COX20: variants seen among roughly 807,000 people sequenced by gnomAD.
COX20 encodes the protein cytochrome c oxidase assembly factor COX20.
In COX20, 14 loss-of-function variants were observed where a neutral mutation model predicts 14.3. The ratio of observed to expected loss-of-function variants is 0.98; its 90% CI spans 0.65 to 1.53. The LOEUF (loss-of-function observed/expected upper bound fraction) is 1.53. Among genes scored for constraint, COX20 ranks in the 40% most tolerant of loss-of-function variants. The pLI is 0.00. For missense variants in COX20, 149 were observed against 142.1 expected (o/e 1.05, Z -0.25); for synonymous variants, 56 against 51.7 (o/e 1.08, Z -0.36).
In COX20 at chr1:244,835,767, G is replaced by T; in HGVS notation, c.42+11G>T. 1 of 1,255,150 alleles carries T rather than the reference G, an allele frequency of 8.0e-7. No individual in the cohort carries two copies. Among genetic ancestry groups the T allele is most frequent in the East Asian group, 3.1e-5 (1 of 31,920 alleles). The allele number at this position is 1,255,150 out of a possible 1,614,324, so 77.8% of individuals were successfully genotyped here. A position where few individuals can be genotyped will look rare whatever the true frequency, so the allele number is the denominator to read the frequency against. ...CCCGAGGAGAGGAAGGTAACCTGGGGGTCGGCGGGGCGCGCGCCGCGGGTG... is the reference window on the plus strand; with the variant it reads ...CCCGAGGAGAGGAAGGTAACCTGGGTGTCGGCGGGGCGCGCGCCGCGGGTG... On this transcript the variant is annotated intron_variant, in intron 1 of 3. Coordinates refer to ENST00000411948, the MANE Select transcript of COX20 (RefSeq NM_198076.6).
rs923502888 is a variant in COX20, at chr1:244,843,117, T to G, written c.298T>G (p.Leu100Val). The G allele has an allele frequency of 3.7e-6, 6 of 1,600,588 alleles. No homozygotes were observed. The highest frequency in any genetic ancestry group is 1.7e-4 in the Middle Eastern group (1 of 6,040). The part of the protein sequence containing the change: ...IAREEIKKKI[L>V]YEGTHLDPER... ...CAGAGAAGAAATTAAAAAGAAGATA[T>G]TATATGAAGGTACCCACCTCGATCC... The change falls in exon 4 of 4, where the codon TTA (leucine) becomes GTA (valine). Residue 100 changes from leucine to valine, a missense_variant. By Grantham distance (32) the Leu-to-Val change is conservative (BLOSUM62 1). Coordinates refer to ENST00000411948, the MANE Select transcript of COX20 (RefSeq NM_198076.6).
In COX20 at chr1:244,842,061, G is replaced by A. The variant is rs367956888; in HGVS notation, c.157+3G>A. On this transcript the variant is annotated splice_donor_region_variant and intron_variant, in intron 2 of 3. Transcript: ENST00000411948. The stretch of plus-strand genomic sequence containing the variant: ...CTTTGGACATTTTTTGTTCACTAGT[G>A]AGTATCTGTATTTTTTATTTCTCTA... 1 of 1,587,430 alleles carries A rather than the reference G, an allele frequency of 6.3e-7. No homozygotes were observed. Among genetic ancestry groups the A allele is most frequent in the Non-Finnish European group, 8.6e-7 (1 of 1,156,868 alleles).
chr1:244,837,106 TAAAAA>T (rs776082805), intron 1 of COX20, among the ~76,000 whole-genome samples: 3 of 144,742 alleles, frequency 2.1e-5, no homozygotes, highest in Non-Finnish European at 4.6e-5. Context: ...CATTGGAAAT[TAAAAA>T]AAAAAAACTT....
At chr1:244,836,306 C>T (rs997793601) in intron 1 of COX20, among the ~76,000 whole-genome samples, 1 of 152,176 alleles carries the variant, frequency 6.6e-6, no homozygotes, top group Non-Finnish European at 1.5e-5. Flanking sequence ...TGGCCCTTTC[C>T]AGCCTGTAAA....
At chr1:244,839,319 C>T (rs1402869276) in intron 1 of COX20, among the ~76,000 whole-genome samples, 1 of 152,080 alleles carries the variant, frequency 6.6e-6, no homozygotes, top group Non-Finnish European at 1.5e-5. Context: ...TTGATCAGAT[C>T]TATTTCTATA....
chr1:244,840,618 GAAAAA>G (rs1370727881), intron 1 of COX20: 1 of 152,094 alleles, frequency 6.6e-6, no homozygotes, highest in African/African-American at 2.4e-5. Flanking sequence ...CAGACAGAGG[GAAAAA>G]ATGGAATAGA....
At chr1:244,836,397 G>C (rs1199608851) in intron 1 of COX20, 3 of 1,101,552 alleles carry the variant, frequency 2.7e-6, no homozygotes, top group East Asian at 5.1e-5. Context: ...CCAAATTCTT[G>C]GTATAGTAAA....
chr1:244,844,884 G>T lies in COX20; in HGVS notation c.*1708G>T, dbSNP rs1358606960. ...TCTGATATTTAACAAAATATGGACA[G>T]GCCACTTATGCTCAGTTTTACCTTA... On this transcript the variant is annotated 3_prime_UTR_variant, in exon 4 of 4. Transcript: ENST00000411948. 3 of 152,154 alleles carry T rather than the reference G, an allele frequency of 2.0e-5. No individual in the cohort carries two copies. The highest frequency in any genetic ancestry group is 4.4e-5 in the Non-Finnish European group (3 of 68,020). The allele number at this position is 152,154 out of a possible 1,614,324, so 9.4% of individuals were successfully genotyped here. A position where few individuals can be genotyped will look rare whatever the true frequency, so the allele number is the denominator to read the frequency against.
At chr1:244,837,603 T>G (rs1040193474) in intron 1 of COX20, among the ~76,000 whole-genome samples, 10 of 152,108 alleles carry the variant, frequency 6.6e-5, no homozygotes, top group African/African-American at 2.4e-4. Context: ...ATTCACCCAT[T>G]CAAAAAATAT....
upstream of COX20, chr1:244,835,363 G>T: frequency 4.1e-6 from 1 of 246,208 alleles, no homozygotes; most frequent in Non-Finnish European, 7.8e-6. Context: ...GCGGAGCAGG[G>T]GGCTGGCGCG....
chr1:244,844,299 G>A lies in COX20; in HGVS notation c.*1123G>A, dbSNP rs979873790. ...TGTCGCTAGGAAGGATGCAGAGGCT[G>A]TGTGGTTTACCAAATGCCTTAACTT... On this transcript the variant is annotated 3_prime_UTR_variant, in exon 4 of 4. Transcript: ENST00000411948. 3.3e-5 allele frequency: 5 copies of A among 152,214 alleles called. No individual in the cohort carries two copies. The South Asian group carries it at 6.2e-4, about 19-fold the overall frequency. 9.4% of individuals were successfully genotyped at this position (152,214 alleles called of 1,614,324 possible).
At chr1:244,835,617 CGGCGCGTGGG>C, upstream of COX20, 1 of 930,394 alleles carries the variant, frequency 1.1e-6, no homozygotes, top group Non-Finnish European at 1.4e-6. Context: ...CGGGAGGCGG[CGGCGCGTGGG>C]GGCGGGACGG....
chr1:244,840,896 TAACCCATTG>T (rs1217514081), intron 1 of COX20: 2 of 152,314 alleles, frequency 1.3e-5, no homozygotes, highest in South Asian at 2.1e-4. Flanking sequence ...CAAACAATAC[TAACCCATTG>T]AAGATAACTA....
rs912899897 is a variant in COX20 at position 244,844,625 on chromosome 1, G to C, written c.*1449G>C. Reference sequence around the variant, plus strand: ...ATACAAAAATTAGCCGGGCGTGGTGGTGCATGCCTGTAGTCCCAGGTACTC... The same window carrying C: ...ATACAAAAATTAGCCGGGCGTGGTGCTGCATGCCTGTAGTCCCAGGTACTC... On this transcript the variant is annotated 3_prime_UTR_variant, in exon 4 of 4. Transcript: ENST00000411948. 6.6e-6 allele frequency: 1 copy of C among 152,196 alleles called. No individual in the cohort carries two copies. Among genetic ancestry groups the C allele is most frequent in the Non-Finnish European group, 1.5e-5 (1 of 68,080 alleles). The allele number at this position is 152,196 out of a possible 1,614,324, so 9.4% of individuals were successfully genotyped here.
rs1187502082 is a variant in COX20, at chr1:244,835,767, G to C, written c.42+11G>C. On this transcript the variant is annotated intron_variant, in intron 1 of 3. Coordinates refer to ENST00000411948, the MANE Select transcript of COX20 (RefSeq NM_198076.6). ...CCCGAGGAGAGGAAGGTAACCTGGGGGTCGGCGGGGCGCGCGCCGCGGGTG... is the reference window on the plus strand; with the variant it reads ...CCCGAGGAGAGGAAGGTAACCTGGGCGTCGGCGGGGCGCGCGCCGCGGGTG... The C allele has an allele frequency of 3.2e-6, 4 of 1,255,034 alleles. No individual in the cohort carries two copies. Among genetic ancestry groups the C allele is most frequent in the Non-Finnish European group, 4.0e-6 (4 of 998,134 alleles). 77.7% of individuals were successfully genotyped at this position (1,255,034 alleles called of 1,614,324 possible). A position where few individuals can be genotyped will look rare whatever the true frequency, so the allele number is the denominator to read the frequency against.
chr1:244,837,048 T>A (rs1240187240), intron 1 of COX20, among the ~76,000 whole-genome samples: 2 of 151,930 alleles, frequency 1.3e-5, no homozygotes, highest in Non-Finnish European at 2.9e-5. Context: ...ATGGGACTTT[T>A]GGTAGGAGAT....
rs1382806524 is a variant in COX20, at chr1:244,835,725, C to G, written c.11C>G (p.Pro4Arg). 5.5e-6 allele frequency: 7 copies of G among 1,267,488 alleles called. No homozygotes were observed. Among genetic ancestry groups the G allele is most frequent in the Non-Finnish European group, 7.0e-6 (7 of 1,003,854 alleles). The allele number at this position is 1,267,488 out of a possible 1,614,324, so 78.5% of individuals were successfully genotyped here. Residue 4 changes from proline to arginine, a missense_variant, in exon 1 of 4, where the codon CCG (proline) becomes CGG (arginine). By Grantham distance (103) the Pro-to-Arg change is moderately radical. Coordinates refer to ENST00000411948, the MANE Select transcript of COX20 (RefSeq NM_198076.6). The part of the protein sequence containing the change: MAA[P>R]PEPGEPEERK... ...CGCGGAGTAGTCCTCATGGCCGCCC[C>G]GCCGGAGCCCGGTGAGCCCGAGGAG...
intron 1 of COX20, among the ~76,000 whole-genome samples, chr1:244,839,022 T>C (rs1680091434): frequency 6.6e-6 from 1 of 152,184 alleles, no homozygotes. Flanking sequence ...ACTTCCGACC[T>C]CAAGTGATCC....
chr1:244,839,344 T>C (rs1001592846), intron 1 of COX20, among the ~76,000 whole-genome samples: 1 of 152,300 alleles, frequency 6.6e-6, no homozygotes, highest in Non-Finnish European at 1.5e-5. Flanking sequence ...ATTGACATTC[T>C]GGCTTGGAAA....
Sources: gnomAD v4.1 joint callset for allele counts (sites outside exome capture counted in the v4.1 genomes callset) on GRCh38, gnomAD v4.1.1 for gene constraint, MANE v1.5 for transcripts, NCBI Gene and HGNC (gene_info 2026-07-23, HGNC 2026-07-21) for gene names.